CDH12: variants seen among roughly 807,000 people sequenced by gnomAD.
CDH12 encodes the protein cadherin-12.
A neutral mutation model predicts 74.1 loss-of-function variants in CDH12; 41 were observed. That is an observed-to-expected ratio of 0.55 (90% CI 0.43 to 0.72). The LOEUF (loss-of-function observed/expected upper bound fraction) is 0.72, where lower values mean the gene tolerates loss of function less well. Among genes scored for constraint, CDH12 ranks in the 30% least tolerant of loss-of-function variants. CDH12 has a pLI of 0.00. For missense variants in CDH12, 945 were observed against 977.2 expected, an observed-to-expected ratio of 0.97 and a Z score of 0.44; for synonymous variants, 399 against 355.0, an observed-to-expected ratio of 1.12 and a Z score of -1.39.
At chr5:22,371,864 C>T (rs937194690) in intron 3 of CDH12, among the ~76,000 whole-genome samples, 8 of 152,138 alleles carry the variant, frequency 5.3e-5, no homozygotes, top group Admixed American at 2.6e-4. Context: ...TAGATAGAAG[C>T]CAGTCCATGA....
chr5:21,766,733 G>A (rs1246044213), intron 11 of CDH12, among the ~76,000 whole-genome samples: 2 of 151,844 alleles, frequency 1.3e-5, no homozygotes, highest in African/African-American at 4.8e-5. Context: ...CTTTTCTAAA[G>A]AAATTGGAAA....
At chr5:22,687,519 T>C (rs562718229) in intron 1 of CDH12, among the ~76,000 whole-genome samples, 1 of 152,256 alleles carries the variant, frequency 6.6e-6, no homozygotes, top group African/African-American at 2.4e-5. Context: ...GTGATCCTTC[T>C]GCCTCAGCCT....
At chr5:21,898,300 A>T (rs1753218421) in intron 6 of CDH12, among the ~76,000 whole-genome samples, 1 of 152,092 alleles carries the variant, frequency 6.6e-6, no homozygotes, top group Non-Finnish European at 1.5e-5. Flanking sequence ...CATATGTCAT[A>T]GCATCCTCAA....
intron 1 of CDH12, among the ~76,000 whole-genome samples, chr5:22,567,562 A>G (rs1739346903): frequency 6.6e-6 from 1 of 152,218 alleles, no homozygotes; most frequent in South Asian, 2.1e-4. Context: ...CTAGAAAAGT[A>G]TTTGACAAAA....
At chr5:22,271,011 C>T (rs1736375908) in intron 3 of CDH12, among the ~76,000 whole-genome samples, 1 of 151,930 alleles carries the variant, frequency 6.6e-6, no homozygotes, top group African/African-American at 2.4e-5. Flanking sequence ...TAAGCATATT[C>T]TTTATACTTG....
chr5:22,737,112 A>G (rs1744768669), intron 1 of CDH12, among the ~76,000 whole-genome samples: 1 of 151,872 alleles, frequency 6.6e-6, no homozygotes, highest in African/African-American at 2.4e-5. Context: ...GCTTCCTGTT[A>G]TTTCCCAGTG....
At chr5:22,477,330 A>C (rs1345528241) in intron 2 of CDH12, among the ~76,000 whole-genome samples, 1 of 152,112 alleles carries the variant, frequency 6.6e-6, no homozygotes. Context: ...AAGTGAGAAC[A>C]TGTGGTTTTT....
chr5:21,932,628 C>T (rs897062051), intron 6 of CDH12, among the ~76,000 whole-genome samples: 1 of 151,904 alleles, frequency 6.6e-6, no homozygotes, highest in South Asian at 2.1e-4. Context: ...AGGCCGGGTG[C>T]GCTGGCGCAC....
At chr5:22,006,624 A>C (rs1358120995) in intron 5 of CDH12, among the ~76,000 whole-genome samples, 1 of 152,152 alleles carries the variant, frequency 6.6e-6, no homozygotes, top group East Asian at 1.9e-4. Flanking sequence ...TAGATATAAC[A>C]TTTACAAACT....
intron 6 of CDH12, among the ~76,000 whole-genome samples, chr5:21,901,825 G>T (rs890755047): frequency 6.6e-6 from 1 of 152,058 alleles, no homozygotes; most frequent in African/African-American, 2.4e-5. Flanking sequence ...CCATCATGAG[G>T]TTTTCCAAAC....
chr5:22,597,267 C>T (rs995878871), intron 1 of CDH12, among the ~76,000 whole-genome samples: 2 of 152,070 alleles, frequency 1.3e-5, no homozygotes, highest in Admixed American at 6.6e-5. Flanking sequence ...AATATAACAA[C>T]TAATTTTTTT....
intron 5 of CDH12, among the ~76,000 whole-genome samples, chr5:22,003,312 C>T (rs1487802124): frequency 1.3e-5 from 2 of 152,148 alleles, no homozygotes; most frequent in African/African-American, 4.8e-5. Context: ...TTAATGAAGT[C>T]ATCTGTCACC....
intron 2 of CDH12, among the ~76,000 whole-genome samples, chr5:22,500,290 G>A (rs1747280000): frequency 1.3e-5 from 2 of 152,228 alleles, no homozygotes; most frequent in South Asian, 4.1e-4. Context: ...TTTACTAAAT[G>A]TTATAGGAGA....
chr5:22,077,047 A>AGTGTGTGTGT (rs5866546), intron 5 of CDH12, among the ~76,000 whole-genome samples: 2 of 149,050 alleles, frequency 1.3e-5, no homozygotes, highest in African/African-American at 5.0e-5. Context: ...GCTTAATGGC[A>AGTGTGTGTGT]GTGTGTGTGT....
chr5:22,727,210 T>C lies in CDH12; in HGVS notation c.-523+125848A>G, dbSNP rs537562715. Among the ~76,000 whole-genome samples, 6 of 151,914 alleles carry C rather than the reference T, an allele frequency of 3.9e-5. No homozygotes were observed. In the South Asian group the frequency reaches 1.0e-3, roughly 26 times the overall value. On this transcript the variant is annotated intron_variant, in intron 1 of 14. Coordinates refer to ENST00000382254, the MANE Select transcript of CDH12 (RefSeq NM_004061.5). ...ATTAACAGGAGCTTGAATAGGTCTA[T>C]CATGAATGTTTCTACCAGCACTAAG...
At chr5:22,324,496 T>C (rs957917064) in intron 3 of CDH12, among the ~76,000 whole-genome samples, 2 of 151,966 alleles carry the variant, frequency 1.3e-5, no homozygotes, top group Admixed American at 1.3e-4. Context: ...AGTTACTAAG[T>C]TATCATGGTT....
intron 1 of CDH12, among the ~76,000 whole-genome samples, chr5:22,782,636 A>T (rs1397695309): frequency 6.6e-6 from 1 of 152,140 alleles, no homozygotes; most frequent in East Asian, 1.9e-4. Context: ...GATCCTTGAG[A>T]TTCTTATCTA....
At chr5:22,223,704 T>A (rs1433857556) in intron 3 of CDH12, among the ~76,000 whole-genome samples, 1 of 151,894 alleles carries the variant, frequency 6.6e-6, no homozygotes, top group African/African-American at 2.4e-5. Context: ...CTCAGAATAT[T>A]GGGGAGCAGA....
chr5:22,004,447 C>T (rs1388841363), intron 5 of CDH12, among the ~76,000 whole-genome samples: 1 of 152,172 alleles, frequency 6.6e-6, no homozygotes, highest in African/African-American at 2.4e-5. Context: ...GGCCCCTACA[C>T]TCATTCTCAC....
Sources: gnomAD v4.1 joint callset for allele counts (sites outside exome capture counted in the v4.1 genomes callset) on GRCh38, gnomAD v4.1.1 for gene constraint, MANE v1.5 for transcripts, NCBI Gene and HGNC (gene_info 2026-07-23, HGNC 2026-07-21) for gene names.